MROH2A: variants seen among roughly 807,000 people sequenced by gnomAD.
MROH2A encodes maestro heat-like repeat-containing protein family member 2A.
MROH2A carries 174 observed loss-of-function variants against 200.4 expected under a neutral mutation model. The observed-to-expected ratio is 0.87, with a 90% confidence interval of 0.77 to 0.98. The LOEUF is 0.98. Among genes scored for constraint, MROH2A ranks in the 50% least tolerant of loss-of-function variants. MROH2A has a pLI of 0.00. For missense variants in MROH2A, 2,045 were observed against 2,139.6 expected (o/e 0.96, Z 0.87); for synonymous variants, 829 against 840.4 (o/e 0.99, Z 0.23).
At chr2:233,776,687 C>T (rs1297245397), upstream of MROH2A, among the ~76,000 whole-genome samples, 13 of 152,252 alleles carry the variant, frequency 8.5e-5, no homozygotes, top group Admixed American at 7.2e-4. Flanking sequence ...CCATGGCTTA[C>T]ACACTCGACC....
chr2:233,778,875 C>G (rs1328672120), intron 1 of MROH2A, among the ~76,000 whole-genome samples: 1 of 152,186 alleles, frequency 6.6e-6, no homozygotes, highest in East Asian at 1.9e-4. Flanking sequence ...GGCCAGGAGT[C>G]TAGGCATGGC....
chr2:233,797,742 A>G (rs910158016), intron 11 of MROH2A, among the ~76,000 whole-genome samples: 8 of 151,700 alleles, frequency 5.3e-5, no homozygotes, highest in Non-Finnish European at 7.4e-5. Context: ...CTTTCCCCCA[A>G]CCCTCTAGCA....
At chr2:233,809,606 C>T (rs560848779) in intron 22 of MROH2A, among the ~76,000 whole-genome samples, 1 of 152,290 alleles carries the variant, frequency 6.6e-6, no homozygotes, top group South Asian at 2.1e-4. Context: ...GACCCAGACC[C>T]TTTCATAAGG....
chr2:233,786,115 C>T (rs966076465), intron 3 of MROH2A, among the ~76,000 whole-genome samples: 6 of 152,266 alleles, frequency 3.9e-5, no homozygotes, highest in Middle Eastern at 3.4e-3. Context: ...TCCCCTTTCT[C>T]TTGGCTCTCA....
chr2:233,831,599 T>TG (rs1366220152), intron 39 of MROH2A, 59 bp downstream of exon 39: 14 of 1,517,500 alleles, frequency 9.2e-6, no homozygotes, highest in African/African-American at 1.4e-5. Context: ...GGCTTGGAGC[T>TG]GGGGGGTCGA....
intron 12 of MROH2A, 57 bp downstream of exon 12, chr2:233,798,907 A>C (rs1177868956): frequency 1.4e-6 from 2 of 1,415,134 alleles, no homozygotes; most frequent in Non-Finnish European, 9.8e-7. Context: ...CCAGGGAGGC[A>C]AAGGGAAGTC....
Position 233,823,010 on chromosome 2 carries a change from G to C in MROH2A, c.3996G>C (p.Leu1332=). 6.5e-7 allele frequency: 1 copy of C among 1,550,276 alleles called. No homozygotes were observed. The highest frequency in any genetic ancestry group is 8.7e-7 in the Non-Finnish European group (1 of 1,146,942). The change falls in exon 34 of 42, where the codon CTG becomes CTC. Residue 1332 remains leucine, a synonymous_variant. Transcript: ENST00000389758. ...DGGTFLEGVS[L]LARLCMQHVE... is the part of the protein sequence containing the mutation. ...GGACATTCCTGGAGGGTGTGAGCCT[G>C]CTGGCCAGGTGGGCCCTGGCTCCCA...
In MROH2A at chr2:233,802,257, A is replaced by G; in HGVS notation, c.1650A>G (p.Ala550=). The G allele has an allele frequency of 3.9e-6, 6 of 1,550,578 alleles. No individual in the cohort carries two copies. The highest frequency in any genetic ancestry group is 4.4e-6 in the Non-Finnish European group (5 of 1,146,918). The change falls in exon 15 of 42, where the codon GCA becomes GCG. Residue 550 remains alanine (A), a synonymous_variant. Coordinates refer to ENST00000389758, the MANE Select transcript of MROH2A (RefSeq NM_001394639.1). ...TPICISLTNL[A]EHQLHGQDVD... ...TCTGTATCAGCCTCACAAACCTGGC[A>G]GAACACCAGCTCCATGGCCAGGATG...
In MROH2A at chr2:233,828,953, A is replaced by G; in HGVS notation, c.4327A>G (p.Asn1443Asp). Residue 1443 changes from asparagine to aspartate, a missense_variant, in exon 37 of 42, where the codon AAC becomes GAC. Physicochemically the swap from Asn to Asp is conservative, Grantham distance 23. Transcript: ENST00000389758. The surrounding 1 kb of genome is among the most constrained non-coding windows in gnomAD (Gnocchi z 4.6). The stretch of plus-strand genomic sequence containing the variant: ...GGGCCCCCTGAGGGAGCCCGTGAGC[A>G]ACAGCGTGACTGCCGAGGGCATGGA... ...CLGPLREPVS[N>D]SVTAEGMEAL... 1 of 1,550,544 alleles carries G rather than the reference A, an allele frequency of 6.4e-7. No homozygotes were observed. The highest frequency in any genetic ancestry group is 2.0e-5 in the Admixed American group (1 of 51,012).
At chr2:233,814,191 T>G (rs929599560) in intron 25 of MROH2A, among the ~76,000 whole-genome samples, 1 of 152,172 alleles carries the variant, frequency 6.6e-6, no homozygotes, top group Non-Finnish European at 1.5e-5. Flanking sequence ...CATTTTGCCC[T>G]CCTTCTATTG....
rs371940480 is a variant in MROH2A at position 233,790,674 on chromosome 2, C to CCCTTCCTT, written c.571+682_571+689dup. Reference sequence around the variant, plus strand: ...CCTCCCCTCCCCTCCCTCCCTCCCTCCCTTCCTTCCTTCCTTCCTTCCTTC... The same window carrying CCCTTCCTT: ...CCTCCCCTCCCCTCCCTCCCTCCCTCCCTTCCTTCCTTCCTTCCTTCCTTCCTTCCTTC... On this transcript the variant is annotated intron_variant, in intron 5 of 41. Coordinates refer to ENST00000389758, the MANE Select transcript of MROH2A (RefSeq NM_001394639.1). Among the ~76,000 whole-genome samples, 56 of 12,316 alleles carry CCCTTCCTT rather than the reference C, an allele frequency of 4.5e-3. 10 individuals are homozygous for CCCTTCCTT. In the African/African-American group the frequency reaches 0.055, roughly 12 times the overall value. 8.1% of individuals were successfully genotyped at this position (12,316 alleles called of 152,430 possible).
At chr2:233,804,274 CGA>C (rs1485362522) in intron 17 of MROH2A, 82 bp downstream of exon 17, 11 of 1,513,734 alleles carry the variant, frequency 7.3e-6, no homozygotes, top group Non-Finnish European at 9.8e-6. Context: ...ACTTGAATAA[CGA>C]GAGCTGAGGC....
At chr2:233,817,872 C>T (rs1044276232) in intron 27 of MROH2A, 130 bp from the exon 28 acceptor site, 5 of 1,136,580 alleles carry the variant, frequency 4.4e-6, no homozygotes, top group Middle Eastern at 3.0e-4. Context: ...CAGTGGCACC[C>T]TCCCCTTCCC....
In MROH2A at chr2:233,803,936, A is replaced by G. The variant is rs895351201; in HGVS notation, c.1750-115A>G. The G allele has an allele frequency of 3.1e-5, 42 of 1,352,428 alleles. 1 individual carries two copies. In the South Asian group the frequency reaches 5.3e-4, roughly 17 times the overall value. The allele number at this position is 1,352,428 out of a possible 1,614,324, so 83.8% of individuals were successfully genotyped here. ...GGTGCACTCTCTATTTGAAATCCCTATTTGAAAACCACCGATCTTGTCCAG... is the reference window on the plus strand; with the variant it reads ...GGTGCACTCTCTATTTGAAATCCCTGTTTGAAAACCACCGATCTTGTCCAG... On this transcript the variant is annotated intron_variant, in intron 16 of 41. Coordinates refer to ENST00000389758, the MANE Select transcript of MROH2A (RefSeq NM_001394639.1).
Position 233,828,767 on chromosome 2 carries a change from C to T in MROH2A, c.4251C>T (p.Gly1417=), listed in dbSNP as rs1206782968. 1.2e-5 allele frequency: 19 copies of T among 1,550,194 alleles called. No individual in the cohort carries two copies. Among genetic ancestry groups the T allele is most frequent in the Middle Eastern group, 1.7e-4 (1 of 6,014 alleles). Residue 1417 remains glycine (G), a synonymous_variant, in exon 36 of 42, where the codon GGC becomes GGT. Coordinates refer to ENST00000389758, the MANE Select transcript of MROH2A (RefSeq NM_001394639.1). The surrounding 1 kb of genome is among the most constrained non-coding windows in gnomAD (Gnocchi z 4.6). The part of the protein sequence containing the change: ...SLRALGNMAL[G]APKKVKQYRK... ...GCGCCCTCGGCAACATGGCCCTGGGCGCCCCCAAGAAGGTACTGTGCCTGG... is the reference window on the plus strand; with the variant it reads ...GCGCCCTCGGCAACATGGCCCTGGGTGCCCCCAAGAAGGTACTGTGCCTGG...
Position 233,822,127 on chromosome 2 carries a change from C to CACCT in MROH2A, c.3516_3517insACCT (p.Leu1173ThrfsTer42), listed in dbSNP as rs1703978548. ...CTTGTGCCCTGACTTTGGTTAGCCA[C>CACCT]CTGGCAGAGGTGTGGCTGGCAGTGT... On this transcript the variant is annotated frameshift_variant, in exon 32 of 42. Coordinates refer to ENST00000389758, the MANE Select transcript of MROH2A (RefSeq NM_001394639.1). LOFTEE classifies it high-confidence loss of function. 1 of 1,548,284 alleles carries CACCT rather than the reference C, an allele frequency of 6.5e-7. No homozygotes were observed. Among genetic ancestry groups the CACCT allele is most frequent in the African/African-American group, 1.4e-5 (1 of 73,024 alleles).
In MROH2A at chr2:233,820,974, G is replaced by A. The variant is rs974003183; in HGVS notation, c.3512+918G>A. On this transcript the variant is annotated intron_variant, in intron 31 of 41. Coordinates refer to ENST00000389758, the MANE Select transcript of MROH2A (RefSeq NM_001394639.1). This position sits in a 1 kb window ranked among gnomAD's most constrained non-coding sequence, Gnocchi z 4.1. ...AGGCAGTGCTGGGTGGGGGTAAGGG[G>A]GATGTGCGGTGCAGCCCTGGGTCAG... 9.2e-5 allele frequency among the ~76,000 whole-genome samples: 14 copies of A among 152,276 alleles called. No homozygotes were observed. Among genetic ancestry groups the A allele is most frequent in the Non-Finnish European group, 1.9e-4 (13 of 68,016 alleles).
chr2:233,813,294 G>GCTGCTGCTGCTGCTGCTGC (rs1703294361), intron 24 of MROH2A, among the ~76,000 whole-genome samples: 1 of 149,808 alleles, frequency 6.7e-6, no homozygotes, highest in East Asian at 2.7e-4. Flanking sequence ...GCTGCTGCTG[G>GCTGCTGCTGCTGCTGCTGC]TGATGGTGGT....
At chr2:233,793,889 C>A in intron 7 of MROH2A, 65 bp downstream of exon 7, 1 of 1,318,860 alleles carries the variant, frequency 7.6e-7, no homozygotes, top group South Asian at 2.4e-5. Context: ...GCCTGTGGGG[C>A]CGGGAGGTGC....
Sources: gnomAD v4.1 joint callset for allele counts (sites outside exome capture counted in the v4.1 genomes callset) on GRCh38, gnomAD v4.1.1 for gene constraint, Gnocchi (gnomAD v3.1) non-coding constraint, MANE v1.5 for transcripts, NCBI Gene and HGNC (gene_info 2026-07-23, HGNC 2026-07-21) for gene names.